The following ACOT7 variants were observed in gnomAD, a reference collection of about 807,000 sequenced individuals.
The protein encoded by ACOT7 is acyl-CoA thioesterase 7.
ACOT7 carries 12 observed loss-of-function variants against 40.2 expected under a neutral mutation model. The observed-to-expected ratio is 0.30, with a 90% CI of 0.19 to 0.48. The LOEUF (loss-of-function observed/expected upper bound fraction) is 0.48. Among genes scored for constraint, ACOT7 ranks in the 20% least tolerant of loss-of-function variants. The pLI is 0.99. For missense variants in ACOT7, 395 were observed against 530.8 expected (o/e 0.74, Z 2.51); for synonymous variants, 228 against 219.5 (o/e 1.04, Z -0.34).
At chr1:6,343,620 C>A (rs1200361638) in intron 2 of ACOT7, among the ~76,000 whole-genome samples, 1 of 152,270 alleles carries the variant, frequency 6.6e-6, no homozygotes, top group Non-Finnish European at 1.5e-5. Flanking sequence ...CACCCATTGG[C>A]CAAAGGCTGT....
Position 6,334,123 on chromosome 1 carries a change from G to A in ACOT7, c.419-555C>T, listed in dbSNP as rs964911084. On this transcript the variant is annotated intron_variant, in intron 3 of 8. Coordinates refer to ENST00000361521, the MANE Select transcript of ACOT7 (RefSeq NM_007274.4). ...CTCCCAACGAGCCTCCCAGACAGAG[G>A]GGAAGGACTGATTGGCTGCAGGCAG... 7.9e-5 allele frequency among the ~76,000 whole-genome samples: 12 copies of A among 152,298 alleles called. No individual in the cohort carries two copies. In the East Asian group the frequency reaches 2.1e-3, roughly 27 times the overall value.
intron 5 of ACOT7, among the ~76,000 whole-genome samples, chr1:6,323,695 T>C (rs1299312375): frequency 8.3e-6 from 1 of 121,016 alleles, no homozygotes; most frequent in African/African-American, 3.2e-5. Context: ...TCCAGCCTGG[T>C]CAACAGAGTG....
At chr1:6,315,786 A>C (rs897838641) in intron 6 of ACOT7, among the ~76,000 whole-genome samples, 5 of 148,596 alleles carry the variant, frequency 3.4e-5, no homozygotes, top group Non-Finnish European at 7.4e-5. Context: ...AAAAGAGAGA[A>C]GGTTAAGCTT....
intron 2 of ACOT7, among the ~76,000 whole-genome samples, chr1:6,344,653 A>G (rs977114859): frequency 4.0e-5 from 6 of 150,786 alleles, no homozygotes; most frequent in African/African-American, 1.5e-4. Flanking sequence ...AGTCACAGCT[A>G]CTCGGGAGGC....
chr1:6,388,730 ACT>A (rs2148484713), intron 1 of ACOT7, among the ~76,000 whole-genome samples: 1 of 103,636 alleles, frequency 9.6e-6, no homozygotes, highest in East Asian at 3.2e-4. Flanking sequence ...ACAGAGTGAG[ACT>A]CTCTTAAAAA....
intron 8 of ACOT7, among the ~76,000 whole-genome samples, chr1:6,270,675 T>C (rs548971105): frequency 7.2e-5 from 11 of 152,324 alleles, no homozygotes; most frequent in Admixed American, 3.3e-4. Context: ...CAAAGTGACA[T>C]GGCAAAGTGC....
chr1:6,307,889 CAG>C (rs1557643192), intron 6 of ACOT7, among the ~76,000 whole-genome samples: 1 of 147,144 alleles, frequency 6.8e-6, no homozygotes, highest in Non-Finnish European at 1.5e-5. Flanking sequence ...CACAACCAGA[CAG>C]AGGGAACTAC....
At chr1:6,284,956 C>T (rs1177394048) in intron 7 of ACOT7, among the ~76,000 whole-genome samples, 2 of 152,328 alleles carry the variant, frequency 1.3e-5, no homozygotes, top group East Asian at 1.9e-4. Context: ...CTGCCCAGGG[C>T]GGCTCAGCCC....
chr1:6,373,101 A>G (rs1642162192), intron 1 of ACOT7, among the ~76,000 whole-genome samples: 1 of 152,200 alleles, frequency 6.6e-6, no homozygotes, highest in Non-Finnish European at 1.5e-5. Flanking sequence ...AGTAACACCA[A>G]AAATTACTGG....
intron 6 of ACOT7, among the ~76,000 whole-genome samples, chr1:6,297,853 C>G (rs1218663030): frequency 6.6e-6 from 1 of 151,776 alleles, no homozygotes; most frequent in African/African-American, 2.4e-5. Flanking sequence ...TGCTGGGAGA[C>G]GAATACCCAG....
intron 1 of ACOT7, among the ~76,000 whole-genome samples, chr1:6,378,973 G>C (rs1642286406): frequency 6.6e-6 from 1 of 151,686 alleles, no homozygotes; most frequent in Non-Finnish European, 1.5e-5. Context: ...TCGGCTCACT[G>C]CAAGCTCCGC....
Position 6,333,567 on chromosome 1 carries a change from A to T in ACOT7, c.420T>A (p.Gly140=). 6.2e-7 allele frequency: 1 copy of T among 1,614,152 alleles called. No individual in the cohort carries two copies. Among genetic ancestry groups the T allele is most frequent in the Non-Finnish European group, 8.5e-7 (1 of 1,179,976 alleles). Residue 140 remains glycine, a splice_region_variant and synonymous_variant, in exon 4 of 9, where the codon GGT becomes GGA. Coordinates refer to ENST00000361521, the MANE Select transcript of ACOT7 (RefSeq NM_007274.4). ...TGGCCTTATTGGTCAGCTTTTTGGC[A>T]CCTTAAGAGAAGAAAATCACATTAA... ...VNVMSENILT[G]AKKLTNKATL... is the part of the protein sequence containing the mutation.
At chr1:6,317,466 G>A (rs1640525413) in intron 6 of ACOT7, among the ~76,000 whole-genome samples, 1 of 152,194 alleles carries the variant, frequency 6.6e-6, no homozygotes, top group Non-Finnish European at 1.5e-5. Context: ...TAAGGCCTGT[G>A]TTGTTTGAGA....
At chr1:6,284,704 G>T (rs1207714865) in intron 7 of ACOT7, among the ~76,000 whole-genome samples, 2 of 151,790 alleles carry the variant, frequency 1.3e-5, no homozygotes, top group African/African-American at 2.4e-5. Flanking sequence ...AGGCCCCCCT[G>T]CAGCATCGAG....
chr1:6,310,364 C>T (rs139203315), intron 6 of ACOT7, among the ~76,000 whole-genome samples: 11 of 152,316 alleles, frequency 7.2e-5, no homozygotes, highest in African/African-American at 2.2e-4. Flanking sequence ...ACTCGGGGTG[C>T]GATCAACATT....
At chr1:6,354,935 G>A (rs1641701820) in intron 1 of ACOT7, among the ~76,000 whole-genome samples, 1 of 151,524 alleles carries the variant, frequency 6.6e-6, no homozygotes, top group Non-Finnish European at 1.5e-5. Context: ...ACAGCCCCAG[G>A]ACCAAGTCAC....
At chr1:6,313,609 A>G (rs1472355834) in intron 6 of ACOT7, among the ~76,000 whole-genome samples, 3 of 152,156 alleles carry the variant, frequency 2.0e-5, no homozygotes, top group Non-Finnish European at 4.4e-5. Flanking sequence ...ACATGAGGAC[A>G]TTGTGGCCAA....
At chr1:6,341,375 C>T (rs1437296846) in intron 2 of ACOT7, among the ~76,000 whole-genome samples, 3 of 152,076 alleles carry the variant, frequency 2.0e-5, no homozygotes, top group Non-Finnish European at 2.9e-5. Flanking sequence ...TCAGATGATC[C>T]GCCTGCCTCA....
In ACOT7 at chr1:6,264,376, G is replaced by A. The variant is rs115422663; in HGVS notation, c.*221C>T. 7.4e-4 allele frequency: 390 copies of A among 524,228 alleles called. 3 individuals carry two copies. Among genetic ancestry groups the A allele is most frequent in the African/African-American group, 4.3e-3 (219 of 50,860 alleles). 32.5% of individuals were successfully genotyped at this position (524,228 alleles called of 1,614,324 possible). The stretch of plus-strand genomic sequence containing the variant: ...TTCTGCCCAACGCCTCCCGGCGCTC[G>A]GGACAACACTGTGTAGCATTGATAC... On this transcript the variant is annotated 3_prime_UTR_variant, in exon 9 of 9. Transcript: ENST00000361521.
Sources: gnomAD v4.1 joint callset for allele counts (sites outside exome capture counted in the v4.1 genomes callset) on GRCh38, gnomAD v4.1.1 for gene constraint, MANE v1.5 for transcripts, NCBI Gene and HGNC (gene_info 2026-07-23, HGNC 2026-07-21) for gene names.